Variants in MYO9A observed in about 807,000 individuals in gnomAD.
MYO9A encodes the protein unconventional myosin-IXa.
In MYO9A, 103 loss-of-function variants were observed where a neutral mutation model predicts 293.3. That is an observed-to-expected ratio of 0.35 (90% CI 0.30 to 0.41). The LOEUF (loss-of-function observed/expected upper bound fraction) is 0.41. Among genes scored for constraint, MYO9A ranks in the 10% least tolerant of loss-of-function variants. The probability of loss-of-function intolerance (pLI) is 1.00; values close to 1 mark genes in which losing one functional copy is unlikely to be tolerated. For synonymous variants in MYO9A, 1,001 were observed against 1,035.7 expected (o/e 0.97, Z 0.64); for missense variants, 2,685 against 3,033.0 (o/e 0.89, Z 2.69).
chr15:71,842,363 C>T (rs970938456), intron 39 of MYO9A, among the ~76,000 whole-genome samples: 4 of 151,838 alleles, frequency 2.6e-5, no homozygotes, highest in East Asian at 1.9e-4. Flanking sequence ...GGTGACAGAG[C>T]GAGACTCTGT....
At chr15:71,848,527 A>G (rs990869472) in intron 39 of MYO9A, among the ~76,000 whole-genome samples, 1 of 152,196 alleles carries the variant, frequency 6.6e-6, no homozygotes, top group East Asian at 1.9e-4. Context: ...AAGGAAGTGG[A>G]GAAAAAAGTT....
intron 4 of MYO9A, among the ~76,000 whole-genome samples, chr15:72,026,527 C>A (rs940916549): frequency 2.0e-5 from 3 of 150,682 alleles, no homozygotes; most frequent in African/African-American, 7.3e-5. Flanking sequence ...TAACCATCCA[C>A]CTTAAGAAAC....
chr15:72,059,898 C>T (rs1470465737), intron 1 of MYO9A, among the ~76,000 whole-genome samples: 1 of 152,118 alleles, frequency 6.6e-6, no homozygotes, highest in East Asian at 1.9e-4. Context: ...GAGTAAGCCA[C>T]CTTTTATAGG....
At chr15:72,027,191 AAAT>A (rs2077700502) in intron 4 of MYO9A, among the ~76,000 whole-genome samples, 1 of 152,266 alleles carries the variant, frequency 6.6e-6, no homozygotes, top group African/African-American at 2.4e-5. Flanking sequence ...AAATGGGAAT[AAAT>A]AACCAAGAAG....
chr15:72,111,075 C>G (rs901952387), intron 1 of MYO9A, among the ~76,000 whole-genome samples: 1 of 151,180 alleles, frequency 6.6e-6, no homozygotes, highest in Non-Finnish European at 1.5e-5. Context: ...AGGAGAATGG[C>G]GTGAACCTGG....
At chr15:71,930,587 G>A (rs142149833) in intron 18 of MYO9A, among the ~76,000 whole-genome samples, 520 of 152,028 alleles carry the variant, frequency 3.4e-3, no homozygotes, top group Non-Finnish European at 4.8e-3. Context: ...TCTGTACATC[G>A]TTAAAGCTAA....
At chr15:71,956,157 A>C (rs1295911060) in intron 14 of MYO9A, among the ~76,000 whole-genome samples, 1 of 151,180 alleles carries the variant, frequency 6.6e-6, no homozygotes, top group Admixed American at 6.6e-5. Context: ...ATTTAAAAAA[A>C]GAAAAGGCCA....
intron 18 of MYO9A, among the ~76,000 whole-genome samples, chr15:71,929,668 T>A (rs929807265): frequency 6.6e-6 from 1 of 152,228 alleles, no homozygotes; most frequent in South Asian, 2.1e-4. Flanking sequence ...CCTTTCAATG[T>A]CGTATTGAAT....
chr15:71,880,200 C>T (rs2056830694), intron 29 of MYO9A, 135 bp downstream of exon 29: 2 of 784,326 alleles, frequency 2.5e-6, no homozygotes, highest in Admixed American at 5.3e-5. Flanking sequence ...ATTATTCACA[C>T]CTTTCTGGTA....
intron 28 of MYO9A, among the ~76,000 whole-genome samples, chr15:71,882,373 G>C (rs2056900249): frequency 6.6e-6 from 1 of 152,186 alleles, no homozygotes; most frequent in African/African-American, 2.4e-5. Context: ...GGATAACTTG[G>C]AGAGTAAGTA....
chr15:71,833,150 T>C (rs1056582851), intron 39 of MYO9A, among the ~76,000 whole-genome samples: 1 of 151,716 alleles, frequency 6.6e-6, no homozygotes, highest in Non-Finnish European at 1.5e-5. Context: ...AATATATTGG[T>C]GAGTATATTA....
At chr15:72,007,585 T>C (rs977683737) in intron 8 of MYO9A, among the ~76,000 whole-genome samples, 1 of 152,114 alleles carries the variant, frequency 6.6e-6, no homozygotes, top group Non-Finnish European at 1.5e-5. Context: ...ACTATGGATG[T>C]CTGGAGCAAG....
At chr15:72,014,733 G>C (rs559742929) in intron 6 of MYO9A, among the ~76,000 whole-genome samples, 2 of 147,628 alleles carry the variant, frequency 1.4e-5, no homozygotes, top group Admixed American at 1.4e-4. Flanking sequence ...AGAGAAGAGA[G>C]AGAGAGAGAA....
chr15:71,980,568 C>G (rs1300646426), intron 11 of MYO9A, among the ~76,000 whole-genome samples: 2 of 152,190 alleles, frequency 1.3e-5, no homozygotes, highest in Non-Finnish European at 2.9e-5. Flanking sequence ...GGCACAGTGT[C>G]TCACATCTGT....
In MYO9A at chr15:72,117,688, C is replaced by A; in HGVS notation, c.-80G>T. On this transcript the variant is annotated 5_prime_UTR_variant, in exon 1 of 42. Transcript: ENST00000356056. ...GCTTGGGCGGGTCTTACCTCGGGCT[C>A]CGCCGCGGTGGCCACCGCAGCCCCC... 2.5e-6 allele frequency: 1 copy of A among 396,744 alleles called. No homozygotes were observed. The highest frequency in any genetic ancestry group is 4.4e-6 in the Non-Finnish European group (1 of 225,144). 24.6% of individuals were successfully genotyped at this position (396,744 alleles called of 1,614,324 possible).
intron 3 of MYO9A, among the ~76,000 whole-genome samples, chr15:72,028,429 C>T (rs2077751916): frequency 1.3e-5 from 2 of 151,364 alleles, no homozygotes; most frequent in South Asian, 4.2e-4. Context: ...GGGTGGATCA[C>T]CTGAGGTCAG....
chr15:72,074,978 T>TTTTC (rs1210327943), intron 1 of MYO9A, among the ~76,000 whole-genome samples: 2 of 108,622 alleles, frequency 1.8e-5, no homozygotes, highest in Non-Finnish European at 4.2e-5. Flanking sequence ...TTTTTTTTTT[T>TTTTC]CTTGAGACAG....
chr15:72,059,275 C>A (rs1268468053), intron 1 of MYO9A, among the ~76,000 whole-genome samples: 1 of 152,216 alleles, frequency 6.6e-6, no homozygotes, highest in African/African-American at 2.4e-5. Flanking sequence ...GTAGAGAACA[C>A]ACTCAATTAA....
Position 72,114,627 on chromosome 15 carries a change from G to C in MYO9A, c.-72+3053C>G, listed in dbSNP as rs993543013. The C allele has an allele frequency of 5.3e-5, 8 of 152,322 alleles. 1 individual carries two copies. In the South Asian group the frequency reaches 1.7e-3, roughly 32 times the overall value. 9.4% of individuals were successfully genotyped at this position (152,322 alleles called of 1,614,324 possible). A position where few individuals can be genotyped will look rare whatever the true frequency, so the allele number is the denominator to read the frequency against. ...CACTGTTTTTGTGGGGGGAAAAGAGGCAGGAAGAGTTTTGTTTCCTAAATG... is the reference window on the plus strand; with the variant it reads ...CACTGTTTTTGTGGGGGGAAAAGAGCCAGGAAGAGTTTTGTTTCCTAAATG... On this transcript the variant is annotated intron_variant, in intron 1 of 41. Transcript: ENST00000356056.
Sources: allele counts gnomAD v4.1 joint callset (sites outside exome capture counted in the v4.1 genomes callset), GRCh38; gene constraint gnomAD v4.1.1; transcripts MANE v1.5; gene names NCBI Gene and HGNC (gene_info 2026-07-23, HGNC 2026-07-21).